Variants in WDR4 observed in about 807,000 individuals in gnomAD.
WDR4 encodes tRNA (guanine-N(7)-)-methyltransferase non-catalytic subunit WDR4.
In WDR4, 47 loss-of-function variants were observed where a neutral mutation model predicts 48.6. That is an observed-to-expected ratio of 0.97 (90% confidence interval 0.77 to 1.23). The LOEUF is 1.23. Among genes scored for constraint, WDR4 ranks in the 50% most tolerant of loss-of-function variants. The pLI, the probability that WDR4 is intolerant of heterozygous loss-of-function variation, is 0.00. For missense variants in WDR4, 606 were observed against 551.6 expected (o/e 1.10, Z -0.99); for synonymous variants, 268 against 230.0 (o/e 1.17, Z -1.49).
At chr21:42,879,034 T>C (rs1456620916) in intron 1 of WDR4, 49 of 1,053,948 alleles carry the variant, frequency 4.6e-5, no homozygotes, top group Non-Finnish European at 5.5e-5. Flanking sequence ...CTGCAGAGCG[T>C]GTTCGGCCGG....
chr21:42,852,428 C>T (rs2057858159), intron 9 of WDR4, 104 bp from the exon 10 acceptor site: 1 of 1,313,830 alleles, frequency 7.6e-7, no homozygotes, highest in East Asian at 2.5e-5. Context: ...GGGGAGGTCC[C>T]CTCCTGGTGC....
chr21:42,854,454 A>C, intron 8 of WDR4, 108 bp downstream of exon 8: 1 of 1,109,684 alleles, frequency 9.0e-7, no homozygotes, highest in East Asian at 2.6e-5. Flanking sequence ...CAATACCACC[A>C]CCGTTCAGGA....
chr21:42,859,838 G>A, intron 5 of WDR4, 116 bp from the exon 6 acceptor site: 1 of 1,084,386 alleles, frequency 9.2e-7, no homozygotes, highest in South Asian at 1.4e-5. Flanking sequence ...TAAACCCCCT[G>A]ATCCAATAAA....
rs1569325524 is a variant in WDR4 at position 42,863,557 on chromosome 21, G to A, written c.336C>T (p.Ala112=). The change falls in exon 4 of 11, where the codon GCC becomes GCT. Residue 112 remains alanine, a synonymous_variant. Transcript: ENST00000398208. ...CGGCCACCAAGACCTTCTCCTCCGA[G>A]GCTATGAAAGTCAGGGCTGTACACC... ...ARRCTALTFI[A]SEEKVLVADK... is the part of the protein sequence containing the mutation. The A allele has an allele frequency of 1.2e-6, 2 of 1,613,918 alleles. No homozygotes were observed. Among genetic ancestry groups the A allele is most frequent in the Non-Finnish European group, 1.7e-6 (2 of 1,179,976 alleles).
Position 42,862,413 on chromosome 21 carries a change from G to T in WDR4, c.454-19C>A. ...TCACAGCCTGCATCACCAGGGGCCAGAAAAGAAAAAGCCGCTCACCTGAGT... is the reference window on the plus strand; with the variant it reads ...TCACAGCCTGCATCACCAGGGGCCATAAAAGAAAAAGCCGCTCACCTGAGT... On this transcript the variant is annotated intron_variant, in intron 4 of 10. Transcript: ENST00000398208. This position sits in a 1 kb window ranked among gnomAD's most constrained non-coding sequence, Gnocchi z 4.3. The T allele has an allele frequency of 6.3e-7, 1 of 1,581,448 alleles. No homozygotes were observed. Among genetic ancestry groups the T allele is most frequent in the Non-Finnish European group, 8.6e-7 (1 of 1,162,806 alleles).
At chr21:42,864,996 A>G (rs900612275) in intron 3 of WDR4, among the ~76,000 whole-genome samples, 1 of 152,192 alleles carries the variant, frequency 6.6e-6, no homozygotes, top group East Asian at 1.9e-4. Flanking sequence ...CGCCCGGCCC[A>G]CTGCGGCTGG....
chr21:42,844,161 A>C (rs920718836), intron 11 of WDR4, among the ~76,000 whole-genome samples: 1 of 152,210 alleles, frequency 6.6e-6, no homozygotes, highest in Non-Finnish European at 1.5e-5. Flanking sequence ...GAGCAGACTC[A>C]CGGACCCATG....
chr21:42,886,360 C>T, the WDR4 span, among the ~76,000 whole-genome samples: 279 of 147,692 alleles, frequency 1.9e-3, no homozygotes, highest in Non-Finnish European at 3.0e-3. Flanking sequence ...ATTCAGAAAG[C>T]GTATGCACAA....
At chr21:42,843,222 G>A (rs911885672) in exon 12 of WDR4, 2 of 152,172 alleles carry the variant, frequency 1.3e-5, no homozygotes, top group African/African-American at 4.8e-5. Flanking sequence ...TCGGCCGACA[G>A]ATCGCACGCA....
chr21:42,865,844 TC>T (rs2058233469), intron 3 of WDR4, among the ~76,000 whole-genome samples: 1 of 151,702 alleles, frequency 6.6e-6, no homozygotes, highest in Admixed American at 6.6e-5. Flanking sequence ...CTCCACACCC[TC>T]CGTTCTCTGC....
At chr21:42,850,579 A>C (rs751046618) in intron 10 of WDR4, among the ~76,000 whole-genome samples, 1 of 152,162 alleles carries the variant, frequency 6.6e-6, no homozygotes, top group Non-Finnish European at 1.5e-5. Flanking sequence ...GGAGGGGCCC[A>C]GGTGGCAGGG....
intron 6 of WDR4, among the ~76,000 whole-genome samples, chr21:42,859,264 GA>G (rs1033244268): frequency 4.6e-5 from 7 of 151,562 alleles, no homozygotes; most frequent in East Asian, 1.9e-4. Context: ...AAGAAAGAAA[GA>G]AAAAAAGGAA....
At chr21:42,857,628 A>G (rs1163474000) in intron 6 of WDR4, among the ~76,000 whole-genome samples, 4 of 152,222 alleles carry the variant, frequency 2.6e-5, no homozygotes, top group African/African-American at 9.6e-5. Flanking sequence ...CTATCCGAGA[A>G]TGGGTGGCTG....
intron 5 of WDR4, among the ~76,000 whole-genome samples, chr21:42,860,888 G>A (rs1012313836): frequency 8.6e-5 from 13 of 151,302 alleles, no homozygotes; most frequent in East Asian, 3.9e-4. Context: ...AGCGGGAGAC[G>A]GCCAGTGAAC....
Position 42,853,614 on chromosome 21 carries a change from C to T in WDR4, c.930G>A (p.Gln310=), listed in dbSNP as rs950154603. The change falls in exon 9 of 11, where the codon CAG becomes CAA. Residue 310 remains glutamine, a synonymous_variant. Coordinates refer to ENST00000398208, the MANE Select transcript of WDR4 (RefSeq NM_018669.6). ...TQGLWVLQDC[Q]EAPLVLYRPV... ...GCCTGTAGAGCACCAGGGGGGCTTC[C>T]TGGCAGTCCTGGAGCACCCACAGCC... The T allele has an allele frequency of 9.3e-6, 15 of 1,609,442 alleles. No individual in the cohort carries two copies. Among genetic ancestry groups the T allele is most frequent in the Non-Finnish European group, 1.3e-5 (15 of 1,178,708 alleles).
intron 1 of WDR4, chr21:42,878,849 C>T: frequency 1.6e-6 from 1 of 631,634 alleles, no homozygotes; most frequent in Non-Finnish European, 2.0e-6. Context: ...GGGTAAGTGT[C>T]GGAGATGACT....
Position 42,854,621 on chromosome 21 carries a change from A to G in WDR4, c.732T>C (p.Phe244=), listed in dbSNP as rs1248214022. Residue 244 remains phenylalanine, a synonymous_variant, in exon 8 of 11, where the codon TTT becomes TTC. Coordinates refer to ENST00000398208, the MANE Select transcript of WDR4 (RefSeq NM_018669.6). ...ACCAGAATGCAATCCTGGACGCGGC[A>G]AACTTCTAAAAGGAGAAGAAGCCCA... The part of the protein sequence containing the change: ...ELVDPQAPQK[F]AASRIAFWCQ... The G allele has an allele frequency of 2.5e-6, 4 of 1,613,568 alleles. No individual in the cohort carries two copies. The Admixed American group carries it at 5.0e-5, about 20-fold the overall frequency.
chr21:42,861,400 T>C (rs1310420631), intron 5 of WDR4, among the ~76,000 whole-genome samples: 2 of 150,760 alleles, frequency 1.3e-5, no homozygotes, highest in African/African-American at 5.0e-5. Context: ...TTTAATACTA[T>C]GTTTTTACTC....
chr21:42,858,407 A>T (rs2058042379), intron 6 of WDR4, among the ~76,000 whole-genome samples: 1 of 152,250 alleles, frequency 6.6e-6, no homozygotes, highest in Non-Finnish European at 1.5e-5. Context: ...AGGAGCAACC[A>T]GCTGGAGAGC....
Sources: gnomAD v4.1 joint callset for allele counts (sites outside exome capture counted in the v4.1 genomes callset) on GRCh38, gnomAD v4.1.1 for gene constraint, Gnocchi (gnomAD v3.1) non-coding constraint, MANE v1.5 for transcripts, NCBI Gene and HGNC (gene_info 2026-07-23, HGNC 2026-07-21) for gene names.